Variants in NUP43 observed in about 807,000 individuals in gnomAD.
The protein encoded by NUP43 is nucleoporin 43.
In NUP43, 32 loss-of-function variants were observed where a neutral mutation model predicts 47.3. The observed-to-expected ratio is 0.68, with a 90% CI of 0.51 to 0.91. The LOEUF is 0.91. NUP43 is among the 40% of genes least tolerant of loss of function. The pLI is 0.00. For synonymous variants in NUP43, 147 were observed against 158.4 expected, an observed-to-expected ratio of 0.93 and a Z score of 0.54; for missense variants, 444 against 453.9, an observed-to-expected ratio of 0.98 and a Z score of 0.20.
chr6:149,742,031 CTT>C (rs983595628), intron 4 of NUP43, among the ~76,000 whole-genome samples: 4 of 138,500 alleles, frequency 2.9e-5, no homozygotes, highest in African/African-American at 1.0e-4. Context: ...GCTAACTTTT[CTT>C]TTTTTTTTTT....
Position 149,726,951 on chromosome 6 carries a change from CTTATAA to C in NUP43, c.*12_*17del, listed in dbSNP as rs763769155. On this transcript the variant is annotated 3_prime_UTR_variant, in exon 8 of 8. Transcript: ENST00000340413. The stretch of plus-strand genomic sequence containing the variant: ...GCTAATTGCATGTTCTATCTGAAAT[CTTATAA>C]TTATAGTACTTCTACGAAAAAAGAT... 176 of 1,587,668 alleles carry C rather than the reference CTTATAA, an allele frequency of 1.1e-4. No homozygotes were observed. The highest frequency in any genetic ancestry group is 1.4e-4 in the Non-Finnish European group (166 of 1,157,540).
intron 2 of NUP43, 110 bp downstream of exon 2, chr6:149,745,830 A>C (rs1222847508): frequency 1.2e-5 from 11 of 908,190 alleles, no homozygotes; most frequent in Non-Finnish European, 1.8e-5. Flanking sequence ...CAGAGCACTC[A>C]GTTTTCTGTA....
chr6:149,735,021 G>A (rs1785251117), intron 6 of NUP43, among the ~76,000 whole-genome samples: 1 of 152,002 alleles, frequency 6.6e-6, no homozygotes, highest in South Asian at 2.1e-4. Flanking sequence ...CATGGGAAAA[G>A]GGCATTCTTG....
At chr6:149,728,586 GC>G (rs1443244263) in intron 7 of NUP43, 1 of 252,906 alleles carries the variant, frequency 4.0e-6, no homozygotes, top group Non-Finnish European at 6.2e-6. Flanking sequence ...CATTATTCAA[GC>G]CACTGTGATA....
chr6:149,736,443 A>G, intron 6 of NUP43, 28 bp downstream of exon 6: 1 of 1,524,482 alleles, frequency 6.6e-7, no homozygotes, highest in Non-Finnish European at 8.9e-7. Context: ...CACCCAATAT[A>G]AACTTTCTGT....
At chr6:149,745,401 G>GAA (rs748770682) in intron 2 of NUP43, among the ~76,000 whole-genome samples, 8 of 118,290 alleles carry the variant, frequency 6.8e-5, no homozygotes, top group Middle Eastern at 4.2e-3. Context: ...CTCCATCTTG[G>GAA]AAAAAAAAAA....
chr6:149,746,338 G>A (rs202013544), intron 1 of NUP43, 38 bp downstream of exon 1: 2 of 1,607,238 alleles, frequency 1.2e-6, no homozygotes, highest in East Asian at 2.2e-5. Context: ...ACCGGAGAGA[G>A]GGAGGAGGTA....
At chr6:149,741,564 G>T (rs1180939911) in intron 4 of NUP43, among the ~76,000 whole-genome samples, 2 of 151,768 alleles carry the variant, frequency 1.3e-5, no homozygotes, top group Non-Finnish European at 2.9e-5. Flanking sequence ...AGCGTGCAGT[G>T]GTGTAATCTT....
At chr6:149,747,333 A>C (rs748112396), upstream of NUP43, among the ~76,000 whole-genome samples, 9 of 151,908 alleles carry the variant, frequency 5.9e-5, no homozygotes, top group Non-Finnish European at 1.2e-4. Context: ...GCTGGAGTGC[A>C]GTGGTACAAT....
intron 5 of NUP43, among the ~76,000 whole-genome samples, chr6:149,737,277 C>T (rs1036198347): frequency 6.7e-6 from 1 of 150,288 alleles, no homozygotes; most frequent in Non-Finnish European, 1.5e-5. Context: ...GAGTAAGACT[C>T]TGTCTCAAAG....
chr6:149,749,270 A>G (rs542106111), upstream of NUP43: 1,350 of 157,046 alleles, frequency 8.6e-3, 20 homozygotes, highest in African/African-American at 0.032. Context: ...TTTTATTCTT[A>G]TTGTATTATT....
intron 3 of NUP43, 46 bp downstream of exon 3, chr6:149,743,592 C>G: frequency 8.0e-7 from 1 of 1,251,162 alleles, no homozygotes; most frequent in Non-Finnish European, 1.1e-6. Flanking sequence ...AGCAAAACTC[C>G]ATTTCAAAAA....
chr6:149,727,300 G>A (rs1784834638), intron 7 of NUP43, 102 bp from the exon 8 acceptor site: 21 of 1,456,220 alleles, frequency 1.4e-5, no homozygotes, highest in Non-Finnish European at 1.8e-5. Context: ...ATATCAATGT[G>A]TTTAATTCTC....
chr6:149,740,051 G>A (rs896947325), intron 4 of NUP43, among the ~76,000 whole-genome samples: 4 of 152,088 alleles, frequency 2.6e-5, no homozygotes, highest in African/African-American at 4.8e-5. Flanking sequence ...TCGGGAGGCC[G>A]AGGTGGGCAG....
At chr6:149,748,095 C>G (rs1350186463), upstream of NUP43, among the ~76,000 whole-genome samples, 1 of 152,180 alleles carries the variant, frequency 6.6e-6, no homozygotes, top group African/African-American at 2.4e-5. Flanking sequence ...GCAGGCAGAT[C>G]ACGAGGTCAG....
At chr6:149,749,066 C>G (rs1033073217), upstream of NUP43, among the ~76,000 whole-genome samples, 1 of 152,022 alleles carries the variant, frequency 6.6e-6, no homozygotes, top group African/African-American at 2.4e-5. Context: ...TTTAACCAAT[C>G]GCAACTCTGT....
chr6:149,742,805 A>G (rs1785735658), intron 3 of NUP43, among the ~76,000 whole-genome samples: 1 of 152,212 alleles, frequency 6.6e-6, no homozygotes, highest in South Asian at 2.1e-4. Flanking sequence ...AACTACAGTA[A>G]TGACTTTTAG....
upstream of NUP43, among the ~76,000 whole-genome samples, chr6:149,747,525 T>C (rs1424664029): frequency 4.6e-5 from 7 of 150,962 alleles, 1 homozygote; most frequent in South Asian, 1.3e-3. Flanking sequence ...TGACCTCAGG[T>C]GATCCAACTG....
intron 7 of NUP43, among the ~76,000 whole-genome samples, chr6:149,730,871 G>C (rs1018845420): frequency 8.5e-5 from 13 of 152,128 alleles, no homozygotes; most frequent in Admixed American, 7.9e-4. Context: ...CCAGGAGGGC[G>C]AGGATGTAGC....
Sources: gnomAD v4.1 joint callset for allele counts (sites outside exome capture counted in the v4.1 genomes callset) on GRCh38, gnomAD v4.1.1 for gene constraint, MANE v1.5 for transcripts, NCBI Gene and HGNC (gene_info 2026-07-23, HGNC 2026-07-21) for gene names.